MICU1: variants seen among roughly 807,000 people sequenced by gnomAD.
MICU1 encodes mitochondrial calcium uptake 1.
MICU1 carries 45 observed loss-of-function variants against 56.8 expected under a neutral mutation model. The ratio of observed to expected loss-of-function variants is 0.79; its 90% CI spans 0.62 to 1.02. The LOEUF (loss-of-function observed/expected upper bound fraction) is 1.02, where lower values mean the gene tolerates loss of function less well. MICU1 is among the 50% of genes least tolerant of loss of function. The pLI is 0.00. For missense variants in MICU1, 504 were observed against 587.1 expected, an observed-to-expected ratio of 0.86 and a Z score of 1.46; for synonymous variants, 186 against 195.1, an observed-to-expected ratio of 0.95 and a Z score of 0.39.
intron 1 of MICU1, among the ~76,000 whole-genome samples, chr10:72,578,120 T>C (rs901837473): frequency 6.6e-6 from 1 of 152,208 alleles, no homozygotes; most frequent in East Asian, 1.9e-4. Flanking sequence ...TGTTGTCTTT[T>C]TTTAAGAAAT....
At chr10:72,603,584 C>T (rs1375234487) in intron 1 of MICU1, among the ~76,000 whole-genome samples, 1 of 151,906 alleles carries the variant, frequency 6.6e-6, no homozygotes, top group Non-Finnish European at 1.5e-5. Context: ...TTGGATGGAT[C>T]ACCTGAGGTC....
chr10:72,426,398 A>AC (rs1173620496), intron 8 of MICU1, among the ~76,000 whole-genome samples: 17 of 135,610 alleles, frequency 1.3e-4, no homozygotes, highest in Non-Finnish European at 1.9e-4. Context: ...AGCATTCTGG[A>AC]TTTTTTTTTT....
chr10:72,471,723 C>A (rs1266214926), intron 8 of MICU1, among the ~76,000 whole-genome samples: 1 of 152,008 alleles, frequency 6.6e-6, no homozygotes, highest in African/African-American at 2.4e-5. Flanking sequence ...CTTACATTCC[C>A]AGATTATGTT....
In MICU1 at chr10:72,615,623, T is replaced by G. The variant is rs1211985486; in HGVS notation, c.-2+10387A>C. Among the ~76,000 whole-genome samples the G allele has an allele frequency of 3.9e-5, 6 of 152,198 alleles. No homozygotes were observed. The East Asian group carries it at 1.2e-3, about 29-fold the overall frequency. On this transcript the variant is annotated intron_variant, in intron 1 of 11. Transcript: ENST00000361114. ...AATCCCATTAAATGTATTTTTCATC[T>G]CAGACATTATAGTTTCCATCTCCGA... is the stretch of plus-strand genomic sequence containing the variant.
intron 5 of MICU1, among the ~76,000 whole-genome samples, chr10:72,513,213 C>A (rs185184335): frequency 6.6e-6 from 1 of 152,320 alleles, no homozygotes; most frequent in East Asian, 1.9e-4. Flanking sequence ...CTCACCAATA[C>A]TTCTTCCTCT....
At chr10:72,520,109 G>C (rs1867772189) in intron 5 of MICU1, among the ~76,000 whole-genome samples, 1 of 152,086 alleles carries the variant, frequency 6.6e-6, no homozygotes, top group East Asian at 1.9e-4. Context: ...TGCTTCTTCT[G>C]GAAAATACAA....
At chr10:72,585,082 G>GTT (rs1277125614) in intron 1 of MICU1, among the ~76,000 whole-genome samples, 72 of 141,090 alleles carry the variant, frequency 5.1e-4, no homozygotes, top group African/African-American at 1.8e-3. Flanking sequence ...TTGGTTTTAG[G>GTT]TTTTTTTTTT....
chr10:72,492,324 G>A (rs1015875402), intron 6 of MICU1, among the ~76,000 whole-genome samples: 3 of 152,112 alleles, frequency 2.0e-5, no homozygotes, highest in East Asian at 1.9e-4. Context: ...GGGAGGGTAC[G>A]GAAATAATCC....
At chr10:72,594,108 A>G (rs1468843570) in intron 1 of MICU1, among the ~76,000 whole-genome samples, 1 of 152,246 alleles carries the variant, frequency 6.6e-6, no homozygotes, top group Non-Finnish European at 1.5e-5. Flanking sequence ...TCCTGATTTC[A>G]GAACTTATTA....
chr10:72,368,246 C>T lies in MICU1; in HGVS notation c.1380G>A (p.Met460Ile). Residue 460 changes from methionine (M) to isoleucine (I), a missense_variant, in exon 12 of 12, where the codon ATG (methionine) becomes ATA (isoleucine). Physicochemically the swap from Met to Ile is conservative, Grantham distance 10. Coordinates refer to ENST00000361114, the MANE Select transcript of MICU1 (RefSeq NM_001195518.2). Reference protein sequence around the residue: ...DMGFTRLMQAMWKCAQETAWD... With the variant: ...DMGFTRLMQAIWKCAQETAWD... ...AGGCAGTTTCCTGTGCACATTTCCACATGGCCTGCATGAGGCGAGTGAAAC... is the reference window on the plus strand; with the variant it reads ...AGGCAGTTTCCTGTGCACATTTCCATATGGCCTGCATGAGGCGAGTGAAAC... 1 of 1,613,970 alleles carries T rather than the reference C, an allele frequency of 6.2e-7. No homozygotes were observed. The highest frequency in any genetic ancestry group is 8.5e-7 in the Non-Finnish European group (1 of 1,179,866).
chr10:72,447,960 T>C (rs2132202162), intron 8 of MICU1, among the ~76,000 whole-genome samples: 1 of 152,028 alleles, frequency 6.6e-6, no homozygotes, highest in East Asian at 1.9e-4. Context: ...TATTCTTCAG[T>C]CTCCAGAGCT....
intron 8 of MICU1, among the ~76,000 whole-genome samples, chr10:72,439,204 G>T (rs923609179): frequency 2.0e-5 from 3 of 151,966 alleles, no homozygotes; most frequent in African/African-American, 7.2e-5. Context: ...TATCCACCAC[G>T]ATCAAGTTGG....
intron 6 of MICU1, among the ~76,000 whole-genome samples, chr10:72,498,779 GGGC>G (rs1866935197): frequency 2.6e-5 from 4 of 152,204 alleles, no homozygotes; most frequent in Admixed American, 1.3e-4. Context: ...AAGCTTTACA[GGGC>G]GACATATGCT....
At chr10:72,612,170 G>A (rs1312740323) in intron 1 of MICU1, among the ~76,000 whole-genome samples, 2 of 151,908 alleles carry the variant, frequency 1.3e-5, no homozygotes, top group African/African-American at 4.8e-5. Context: ...TAGTAAACAG[G>A]CTTAAAGAAA....
At chr10:72,375,133 A>T (rs1219531204) in intron 11 of MICU1, among the ~76,000 whole-genome samples, 1 of 152,148 alleles carries the variant, frequency 6.6e-6, no homozygotes, top group Non-Finnish European at 1.5e-5. Flanking sequence ...CAGCTTTCTC[A>T]TCAGTAAAAA....
chr10:72,400,468 G>A (rs6480622), intron 10 of MICU1, among the ~76,000 whole-genome samples: 6,305 of 152,136 alleles, frequency 0.041, 432 homozygotes, highest in African/African-American at 0.14. Context: ...ATGACTGGCC[G>A]GGCGTGGTGG....
chr10:72,566,307 A>C (rs2132474932), intron 2 of MICU1, among the ~76,000 whole-genome samples: 1 of 152,196 alleles, frequency 6.6e-6, no homozygotes, highest in East Asian at 1.9e-4. Context: ...TGGGCTCCCA[A>C]AGTGCTGGGA....
At chr10:72,604,094 G>A (rs1324677855) in intron 1 of MICU1, among the ~76,000 whole-genome samples, 13 of 152,054 alleles carry the variant, frequency 8.5e-5, no homozygotes, top group African/African-American at 2.9e-4. Flanking sequence ...TCTGCTAACG[G>A]AAGTCTCTTC....
At chr10:72,523,025 A>C (rs1415032704) in intron 5 of MICU1, among the ~76,000 whole-genome samples, 2 of 152,148 alleles carry the variant, frequency 1.3e-5, no homozygotes, top group South Asian at 4.1e-4. Flanking sequence ...TTTAAAGAAG[A>C]CTGGTGCTGT....
Sources: allele counts gnomAD v4.1 joint callset (sites outside exome capture counted in the v4.1 genomes callset), GRCh38; gene constraint gnomAD v4.1.1; transcripts MANE v1.5; gene names NCBI Gene and HGNC (gene_info 2026-07-23, HGNC 2026-07-21).